DOCK1: variants seen among roughly 807,000 people sequenced by gnomAD.
DOCK1 encodes the protein dedicator of cytokinesis 1, also known as dedicator of cytokinesis protein 1.
In DOCK1, 138 loss-of-function variants were observed where a neutral mutation model predicts 262.7. The observed-to-expected ratio is 0.53, with a 90% CI of 0.46 to 0.61. The LOEUF is 0.61. Ranked by LOEUF, DOCK1 falls within the 20% of genes least tolerant of loss-of-function variation. DOCK1 has a pLI of 0.00. For synonymous variants in DOCK1, 866 were observed against 867.4 expected, an observed-to-expected ratio of 1.00 and a Z score of 0.03; for missense variants, 1,908 against 2,370.7, an observed-to-expected ratio of 0.80 and a Z score of 4.05.
intron 23 of DOCK1, among the ~76,000 whole-genome samples, chr10:127,102,914 G>T (rs1190510918): frequency 6.6e-6 from 1 of 152,144 alleles, no homozygotes; most frequent in Non-Finnish European, 1.5e-5. Flanking sequence ...TTTGACAAAG[G>T]CATAATGCAT....
intron 27 of DOCK1, among the ~76,000 whole-genome samples, chr10:127,140,553 A>C (rs1028016755): frequency 2.0e-5 from 3 of 152,048 alleles, no homozygotes; most frequent in African/African-American, 7.2e-5. Flanking sequence ...TGAAGGAATA[A>C]TGTGCATTGT....
At chr10:127,391,631 G>A (rs891665775) in intron 38 of DOCK1, among the ~76,000 whole-genome samples, 1 of 151,912 alleles carries the variant, frequency 6.6e-6, no homozygotes, top group East Asian at 1.9e-4. Flanking sequence ...AGCCTTCCCC[G>A]CTGACAGACT....
At chr10:127,318,227 A>G (rs1379087703) in intron 29 of DOCK1, among the ~76,000 whole-genome samples, 1 of 152,242 alleles carries the variant, frequency 6.6e-6, no homozygotes, top group Non-Finnish European at 1.5e-5. Flanking sequence ...GGCTGGGCAG[A>G]GTGCTAGAAG....
chr10:127,418,335 C>T (rs373535607), intron 44 of DOCK1, 30 bp from the exon 45 acceptor site: 2 of 1,574,640 alleles, frequency 1.3e-6, no homozygotes, highest in South Asian at 1.2e-5. Flanking sequence ...AGCTGTGGGG[C>T]TGACATCGGG....
At chr10:127,219,194 G>T (rs531485706) in intron 27 of DOCK1, among the ~76,000 whole-genome samples, 2 of 152,288 alleles carry the variant, frequency 1.3e-5, no homozygotes, top group South Asian at 4.1e-4. Flanking sequence ...AATGGGTAAA[G>T]AAGAAACCAT....
chr10:127,199,157 G>T (rs2057345503), intron 27 of DOCK1, among the ~76,000 whole-genome samples: 1 of 152,076 alleles, frequency 6.6e-6, no homozygotes, highest in Admixed American at 6.6e-5. Flanking sequence ...AGATAGACTT[G>T]CAAAGGAGAA....
intron 27 of DOCK1, among the ~76,000 whole-genome samples, chr10:127,149,452 G>A (rs1449131368): frequency 2.0e-5 from 3 of 152,158 alleles, no homozygotes; most frequent in Non-Finnish European, 4.4e-5. Context: ...TTTTCACAGA[G>A]AAATATGTAC....
chr10:127,437,905 A>G lies in DOCK1; in HGVS notation c.5061-1122A>G, dbSNP rs1023672933. 3.9e-5 allele frequency among the ~76,000 whole-genome samples: 6 copies of G among 152,216 alleles called. No homozygotes were observed. The highest frequency in any genetic ancestry group is 1.4e-4 in the African/African-American group (6 of 41,452). ...GGCTAAATTATCTTCTCTTGAAATC[A>G]TGCTCCCCTTGAAGAAGCCAATTGC... On this transcript the variant is annotated intron_variant, in intron 48 of 51. Transcript: ENST00000623213. The surrounding 1 kb of genome is among the most constrained non-coding windows in gnomAD (Gnocchi z 4.4).
intron 27 of DOCK1, among the ~76,000 whole-genome samples, chr10:127,180,164 A>AT (rs2055591326): frequency 1.3e-5 from 2 of 152,222 alleles, no homozygotes; most frequent in African/African-American, 2.4e-5. Flanking sequence ...CATCTGAGCA[A>AT]TGCCCTTGTC....
intron 1 of DOCK1, among the ~76,000 whole-genome samples, chr10:126,930,850 A>G (rs1183043838): frequency 2.6e-5 from 4 of 152,068 alleles, no homozygotes; most frequent in Non-Finnish European, 5.9e-5. Flanking sequence ...AGTACCCCCT[A>G]CTGGGTTTTT....
At chr10:126,997,523 T>G (rs1220206434) in intron 7 of DOCK1, among the ~76,000 whole-genome samples, 1 of 151,954 alleles carries the variant, frequency 6.6e-6, no homozygotes, top group Non-Finnish European at 1.5e-5. Flanking sequence ...CGCTACACTT[T>G]TAAACGACGA....
chr10:127,183,036 T>C (rs952180055), intron 27 of DOCK1, among the ~76,000 whole-genome samples: 3 of 149,792 alleles, frequency 2.0e-5, no homozygotes, highest in African/African-American at 7.3e-5. Flanking sequence ...TAGAATGTAC[T>C]TGGGGAGTGC....
chr10:126,934,480 C>T (rs1439281363), intron 1 of DOCK1, among the ~76,000 whole-genome samples: 4 of 152,182 alleles, frequency 2.6e-5, no homozygotes, highest in Non-Finnish European at 5.9e-5. Context: ...AACACTTGGT[C>T]GTTTAGAATC....
intron 32 of DOCK1, among the ~76,000 whole-genome samples, chr10:127,356,107 A>T (rs1167576099): frequency 1.3e-5 from 2 of 152,222 alleles, no homozygotes; most frequent in Non-Finnish European, 2.9e-5. Context: ...ATTTTGCTGC[A>T]GTAGCTCCTA....
chr10:127,347,284 G>A (rs2063675185), intron 31 of DOCK1, among the ~76,000 whole-genome samples: 1 of 152,158 alleles, frequency 6.6e-6, no homozygotes, highest in Non-Finnish European at 1.5e-5. Flanking sequence ...CAAAGACACA[G>A]ACCTCGTGAC....
At chr10:127,082,332 A>G (rs1202417796) in intron 23 of DOCK1, among the ~76,000 whole-genome samples, 1 of 152,154 alleles carries the variant, frequency 6.6e-6, no homozygotes, top group Non-Finnish European at 1.5e-5. Context: ...GCCAATAAAG[A>G]CACACCTTAG....
intron 28 of DOCK1, among the ~76,000 whole-genome samples, chr10:127,251,336 C>T (rs929041452): frequency 3.3e-5 from 5 of 151,840 alleles, no homozygotes; most frequent in East Asian, 3.9e-4. Flanking sequence ...GATGTTATTT[C>T]GTATTTCAAT....
At chr10:127,415,809 T>C (rs910294708) in intron 44 of DOCK1, among the ~76,000 whole-genome samples, 3 of 152,216 alleles carry the variant, frequency 2.0e-5, no homozygotes, top group African/African-American at 7.2e-5. Flanking sequence ...AGTGAGCTAT[T>C]GGACAGTTTC....
At chr10:127,219,132 G>C (rs552548706) in intron 27 of DOCK1, among the ~76,000 whole-genome samples, 28 of 152,334 alleles carry the variant, frequency 1.8e-4, no homozygotes, top group Middle Eastern at 6.8e-3. Context: ...AAATTAAGTA[G>C]TGGGGACTGC....
Sources: allele counts gnomAD v4.1 joint callset (sites outside exome capture counted in the v4.1 genomes callset), GRCh38; gene constraint gnomAD v4.1.1; non-coding constraint Gnocchi (gnomAD v3.1); transcripts MANE v1.5; gene names NCBI Gene and HGNC (gene_info 2026-07-23, HGNC 2026-07-21).